The following SGCG variants were observed in gnomAD, a reference collection of about 807,000 sequenced individuals.
SGCG encodes the protein sarcoglycan gamma.
Under a neutral mutation model 29.3 loss-of-function variants are expected in SGCG, and 26 were observed. The ratio of observed to expected loss-of-function variants is 0.89; its 90% confidence interval spans 0.65 to 1.23. The LOEUF is 1.23. SGCG is among the 50% of genes most tolerant of loss of function. The probability of loss-of-function intolerance (pLI) is 0.00; values close to 1 mark genes in which losing one functional copy is unlikely to be tolerated. For missense variants in SGCG, 353 were observed against 356.0 expected, an observed-to-expected ratio of 0.99 and a Z score of 0.07; for synonymous variants, 145 against 129.7, an observed-to-expected ratio of 1.12 and a Z score of -0.80.
chr13:23,290,051 G>A (rs182615018), intron 5 of SGCG, among the ~76,000 whole-genome samples: 110 of 152,292 alleles, frequency 7.2e-4, no homozygotes, highest in South Asian at 1.2e-3. Context: ...CTACAGACTT[G>A]CCTATGAATC....
At chr13:23,162,539 T>C in the SGCG span, among the ~76,000 whole-genome samples, 1 of 152,168 alleles carries the variant, frequency 6.6e-6, no homozygotes, top group South Asian at 2.1e-4. Context: ...GGCAGAAGAA[T>C]GGCGTGAACC....
At chr13:23,303,395 T>C (rs1882244311) in intron 6 of SGCG, among the ~76,000 whole-genome samples, 1 of 152,158 alleles carries the variant, frequency 6.6e-6, no homozygotes, top group Non-Finnish European at 1.5e-5. Flanking sequence ...TAGCACGAAG[T>C]GCAAAACAAG....
At chr13:23,177,426 C>T (rs1382949015), upstream of SGCG, among the ~76,000 whole-genome samples, 2 of 151,800 alleles carry the variant, frequency 1.3e-5, no homozygotes, top group East Asian at 1.9e-4. Context: ...CAGGATAAAT[C>T]GGGATAAAAA....
the SGCG span, among the ~76,000 whole-genome samples, chr13:23,175,656 A>G: frequency 2.6e-5 from 4 of 152,078 alleles, no homozygotes; most frequent in African/African-American, 4.8e-5. Flanking sequence ...CAGCATCTCA[A>G]TGATTTCTTA....
At chr13:23,171,415 AG>A in the SGCG span, among the ~76,000 whole-genome samples, 1 of 152,202 alleles carries the variant, frequency 6.6e-6, no homozygotes, top group Non-Finnish European at 1.5e-5. Flanking sequence ...CTGACTTCAA[AG>A]CCTGAGATTT....
chr13:23,186,374 G>T (rs1341890973), intron 1 of SGCG, among the ~76,000 whole-genome samples: 2 of 152,176 alleles, frequency 1.3e-5, no homozygotes, highest in Non-Finnish European at 2.9e-5. Flanking sequence ...CTCACCAGTG[G>T]TATCCAGCCT....
intron 6 of SGCG, among the ~76,000 whole-genome samples, chr13:23,318,862 T>G (rs548512239): frequency 3.9e-5 from 6 of 152,356 alleles, no homozygotes; most frequent in African/African-American, 1.4e-4. Flanking sequence ...TAATGACTGA[T>G]CTTGGAAACA....
chr13:23,165,973 T>A, the SGCG span, among the ~76,000 whole-genome samples: 2 of 152,216 alleles, frequency 1.3e-5, no homozygotes, highest in Non-Finnish European at 2.9e-5. Flanking sequence ...AAATAGGCAA[T>A]CTTGTCATTT....
At chr13:23,288,994 G>T (rs1881601398) in intron 5 of SGCG, among the ~76,000 whole-genome samples, 1 of 152,206 alleles carries the variant, frequency 6.6e-6, no homozygotes, top group African/African-American at 2.4e-5. Flanking sequence ...AGTCAAAAGT[G>T]ATAGTGTAGA....
intron 4 of SGCG, among the ~76,000 whole-genome samples, chr13:23,270,111 T>A (rs970102968): frequency 4.2e-4 from 64 of 152,160 alleles, no homozygotes; most frequent in Non-Finnish European, 8.8e-4. Flanking sequence ...CTTGACCTCG[T>A]GATCCACCCG....
intron 6 of SGCG, among the ~76,000 whole-genome samples, chr13:23,296,262 G>A (rs775447178): frequency 2.3e-4 from 35 of 152,314 alleles, no homozygotes; most frequent in Non-Finnish European, 3.2e-4. Context: ...GCCGTGAAAT[G>A]TGCAAAAGGC....
intron 2 of SGCG, among the ~76,000 whole-genome samples, chr13:23,226,083 C>T (rs1249835208): frequency 6.6e-6 from 1 of 152,152 alleles, no homozygotes; most frequent in Non-Finnish European, 1.5e-5. Flanking sequence ...TGTGCTCCAA[C>T]ACCCCGCACT....
intron 4 of SGCG, among the ~76,000 whole-genome samples, chr13:23,278,968 C>T (rs942128004): frequency 3.9e-5 from 6 of 152,014 alleles, no homozygotes; most frequent in Non-Finnish European, 5.9e-5. Flanking sequence ...GTGAGCCATT[C>T]GTAAGATGGT....
chr13:23,311,408 T>A (rs1180738932), intron 6 of SGCG, among the ~76,000 whole-genome samples: 2 of 152,278 alleles, frequency 1.3e-5, no homozygotes, highest in Admixed American at 6.5e-5. Context: ...CATATGTATG[T>A]CTTCCTCATT....
chr13:23,201,154 G>C (rs1324955759), intron 1 of SGCG, among the ~76,000 whole-genome samples: 2 of 141,426 alleles, frequency 1.4e-5, no homozygotes, highest in East Asian at 2.1e-4. Context: ...GACGATGGCA[G>C]AGGTGCTGAT....
chr13:23,324,550 C>T lies in SGCG; in HGVS notation c.*9C>T, dbSNP rs746787386. 1.4e-5 allele frequency: 22 copies of T among 1,607,316 alleles called. No homozygotes were observed. Among genetic ancestry groups the T allele is most frequent in the Middle Eastern group, 2.2e-4 (1 of 4,636 alleles). On this transcript the variant is annotated 3_prime_UTR_variant, in exon 8 of 8. Coordinates refer to ENST00000218867, the MANE Select transcript of SGCG (RefSeq NM_000231.3). The stretch of plus-strand genomic sequence containing the variant: ...ACCACATCTGCCTCTGAGCTGCCTG[C>T]GTCCTCTCGGTGAGCTGTGCAGTGC...
chr13:23,297,086 C>T (rs1441703690), intron 6 of SGCG, among the ~76,000 whole-genome samples: 3 of 152,110 alleles, frequency 2.0e-5, no homozygotes, highest in African/African-American at 4.8e-5. Flanking sequence ...TGACCATGGC[C>T]AAACTAACCT....
chr13:23,226,626 A>C (rs1374544507), intron 2 of SGCG, among the ~76,000 whole-genome samples: 1 of 152,244 alleles, frequency 6.6e-6, no homozygotes, highest in Non-Finnish European at 1.5e-5. Flanking sequence ...TTTAAAGGCA[A>C]AGGAACTAGA....
the SGCG span, among the ~76,000 whole-genome samples, chr13:23,173,776 T>G: frequency 6.6e-6 from 1 of 152,188 alleles, no homozygotes; most frequent in Non-Finnish European, 1.5e-5. Flanking sequence ...GTCTTCTCTT[T>G]GATCACATCA....
Sources: allele counts gnomAD v4.1 joint callset (sites outside exome capture counted in the v4.1 genomes callset), GRCh38; gene constraint gnomAD v4.1.1; transcripts MANE v1.5; gene names NCBI Gene and HGNC (gene_info 2026-07-23, HGNC 2026-07-21).